The following VPS13A variants were observed in gnomAD, a reference collection of about 807,000 sequenced individuals.
VPS13A encodes vacuolar protein sorting 13 homolog A.
Under a neutral mutation model 390.9 loss-of-function variants are expected in VPS13A, and 264 were observed. The observed-to-expected ratio is 0.68, with a 90% CI of 0.61 to 0.75. The LOEUF is 0.75. Ranked by LOEUF, VPS13A falls within the 30% of genes least tolerant of loss-of-function variation. VPS13A has a pLI of 0.00. For synonymous variants in VPS13A, 1,231 were observed against 1,227.1 expected (o/e 1.00, Z -0.07); for missense variants, 3,409 against 3,733.9 (o/e 0.91, Z 2.27).
At chr9:77,336,420 A>G (rs1401102197) in intron 46 of VPS13A, among the ~76,000 whole-genome samples, 1 of 152,222 alleles carries the variant, frequency 6.6e-6, no homozygotes, top group Non-Finnish European at 1.5e-5. Flanking sequence ...TTTAAAAAAA[A>G]ACAGCACTGT....
chr9:77,331,931 T>C, intron 45 of VPS13A, 79 bp from the exon 46 acceptor site: 1 of 933,102 alleles, frequency 1.1e-6, no homozygotes, highest in East Asian at 2.5e-5. Context: ...GTTAAGATAG[T>C]TACATGGACA....
intron 1 of VPS13A, 102 bp downstream of exon 1, chr9:77,177,906 G>A: frequency 3.8e-6 from 4 of 1,058,108 alleles, no homozygotes; most frequent in Non-Finnish European, 5.5e-6. Context: ...CACCTTGCTC[G>A]CCGGGTGCAG....
chr9:77,283,577 C>G lies in VPS13A; in HGVS notation c.3266C>G (p.Ser1089Ter). ...GATTCTGAGATGATTATGAGGCCTT[C>G]AGAAACTGAAATAAACGCAAAGCTA... is the stretch of plus-strand genomic sequence containing the variant. ...GLDSEMIMRP[S>*]ETEINAKLRN... is the part of the protein sequence containing the mutation. Residue 1089 changes from serine (S) to a stop codon, truncating the protein, a stop_gained, in exon 31 of 72, where the codon TCA becomes TGA. Coordinates refer to ENST00000360280, the MANE Select transcript of VPS13A (RefSeq NM_033305.3). LOFTEE classifies it high-confidence loss of function. 6.2e-7 allele frequency: 1 copy of G among 1,613,406 alleles called. No individual in the cohort carries two copies. Among genetic ancestry groups the G allele is most frequent in the South Asian group, 1.1e-5 (1 of 91,038 alleles).
At chr9:77,299,235 T>G (rs911310201) in intron 33 of VPS13A, among the ~76,000 whole-genome samples, 2 of 152,326 alleles carry the variant, frequency 1.3e-5, no homozygotes, top group East Asian at 3.9e-4. Flanking sequence ...TTGTCTTGGC[T>G]ATACGGGCTC....
chr9:77,214,954 C>G (rs148309309), intron 10 of VPS13A, among the ~76,000 whole-genome samples: 1 of 152,096 alleles, frequency 6.6e-6, no homozygotes, highest in Non-Finnish European at 1.5e-5. Context: ...TTAGTAGAGA[C>G]GGGGTTTCAC....
chr9:77,226,074 A>T (rs1823489380), intron 14 of VPS13A, 86 bp downstream of exon 14: 2 of 1,268,600 alleles, frequency 1.6e-6, no homozygotes, highest in Non-Finnish European at 2.2e-6. Flanking sequence ...TTATACTGTA[A>T]CATATTGTTT....
intron 17 of VPS13A, among the ~76,000 whole-genome samples, chr9:77,236,539 A>G (rs2131225540): frequency 1.3e-5 from 2 of 152,330 alleles, no homozygotes; most frequent in South Asian, 4.1e-4. Flanking sequence ...GTAGAATTGT[A>G]TCATCCAAAA....
intron 53 of VPS13A, 150 bp downstream of exon 53, chr9:77,351,596 C>A: frequency 1.0e-6 from 1 of 1,004,252 alleles, no homozygotes; most frequent in Non-Finnish European, 1.5e-6. Flanking sequence ...TAAGGTGAAA[C>A]CCTGTCTCTC....
chr9:77,193,281 A>C (rs1349623538), intron 1 of VPS13A, among the ~76,000 whole-genome samples: 1 of 152,098 alleles, frequency 6.6e-6, no homozygotes, highest in Non-Finnish European at 1.5e-5. Context: ...TTGGGTTTCA[A>C]CTTTCTCCCG....
At chr9:77,383,070 G>C in intron 68 of VPS13A, 1 of 969,600 alleles carries the variant, frequency 1.0e-6, no homozygotes, top group Non-Finnish European at 1.2e-6. Flanking sequence ...GTTGGAATAT[G>C]AAGCTTCCTT....
chr9:77,244,589 C>T (rs1339465098), intron 19 of VPS13A, among the ~76,000 whole-genome samples: 1 of 152,130 alleles, frequency 6.6e-6, no homozygotes, highest in Non-Finnish European at 1.5e-5. Context: ...GAGAAAGGCA[C>T]AGTGTTACAG....
In VPS13A at chr9:77,339,528, T is replaced by C; in HGVS notation, c.6391T>C (p.Ser2131Pro). The C allele has an allele frequency of 6.5e-7, 1 of 1,546,538 alleles. No homozygotes were observed. Among genetic ancestry groups the C allele is most frequent in the South Asian group, 1.2e-5 (1 of 81,652 alleles). ...IAYYIEGIEN[S>P]VFTLSEGHSA... is the part of the protein sequence containing the mutation. ...TTTTTTATTACAGGGAATTGAAAAT[T>C]CGGTTTTTACTCTAAGTGAAGGACA... is the stretch of plus-strand genomic sequence containing the variant. Residue 2131 changes from serine to proline, a missense_variant, in exon 48 of 72, where the codon TCG becomes CCG. This residue lies in a region of VPS13A where 2,717 missense variants were observed against 2,917.4 expected (regional missense o/e 0.93). Transcript: ENST00000360280.
intron 71 of VPS13A, among the ~76,000 whole-genome samples, chr9:77,409,748 A>C (rs1834823742): frequency 6.6e-6 from 1 of 151,212 alleles, no homozygotes; most frequent in Admixed American, 6.6e-5. Context: ...AAGTTTAGAG[A>C]AAAAAGAATA....
intron 17 of VPS13A, 130 bp downstream of exon 17, chr9:77,228,394 A>C: frequency 1.1e-6 from 1 of 933,114 alleles, no homozygotes; most frequent in Non-Finnish European, 1.5e-6. Context: ...TTTCAGGAAA[A>C]AGGTTTTTTT....
At chr9:77,378,338 A>G (rs1833227480) in intron 67 of VPS13A, among the ~76,000 whole-genome samples, 1 of 152,122 alleles carries the variant, frequency 6.6e-6, no homozygotes, top group Non-Finnish European at 1.5e-5. Flanking sequence ...TTACTTGGTA[A>G]AGGTCTAGTT....
rs567160576 is a variant in VPS13A, at chr9:77,295,957, A to G, written c.3812+111A>G. The G allele has an allele frequency of 1.8e-4, 201 of 1,118,088 alleles. No homozygotes were observed. In the African/African-American group the frequency reaches 2.8e-3, roughly 16 times the overall value. 69.3% of individuals were successfully genotyped at this position (1,118,088 alleles called of 1,614,324 possible). A position where few individuals can be genotyped will look rare whatever the true frequency, so the allele number is the denominator to read the frequency against. On this transcript the variant is annotated intron_variant, in intron 33 of 71. Transcript: ENST00000360280. ...AGTGAGATTTTATTTTATTAATTAT[A>G]CATAACTTAGTGATTCTCTCTTCCT...
At chr9:77,274,659 A>G (rs1361308022) in intron 24 of VPS13A, among the ~76,000 whole-genome samples, 1 of 152,060 alleles carries the variant, frequency 6.6e-6, no homozygotes, top group Non-Finnish European at 1.5e-5. Context: ...AACTATTCTG[A>G]TACCAAATAT....
chr9:77,276,936 AGGCCCTTTT>A (rs1392348786), intron 26 of VPS13A, among the ~76,000 whole-genome samples: 4 of 152,154 alleles, frequency 2.6e-5, no homozygotes, highest in African/African-American at 9.7e-5. Flanking sequence ...CCATTTTCCA[AGGCCCTTTT>A]GCCATATGAG....
chr9:77,345,011 T>G lies in VPS13A; in HGVS notation c.7158T>G (p.Leu2386=), dbSNP rs778911778. 3 of 1,611,792 alleles carry G rather than the reference T, an allele frequency of 1.9e-6. No individual in the cohort carries two copies. The Admixed American group carries it at 5.0e-5, about 27-fold the overall frequency. ...NCILLRLDNE[L]GGIIAEVNLA... is the part of the protein sequence containing the mutation. ...TGTTTTCTTTTTCTTTCTTCTAGCT[T>G]GGAGGTATTATAGCAGAAGTGAATT... The change falls in exon 52 of 72, where the codon CTT becomes CTG. Residue 2386 remains leucine (L), a splice_region_variant and synonymous_variant. Coordinates refer to ENST00000360280, the MANE Select transcript of VPS13A (RefSeq NM_033305.3).
Sources: gnomAD v4.1 joint callset for allele counts (sites outside exome capture counted in the v4.1 genomes callset) on GRCh38, gnomAD v4.1.1 for gene constraint, gnomAD v4.1.1 regional missense constraint, MANE v1.5 for transcripts, NCBI Gene and HGNC (gene_info 2026-07-23, HGNC 2026-07-21) for gene names.